RPS6KC1: variants seen among roughly 807,000 people sequenced by gnomAD.
RPS6KC1 encodes the protein ribosomal protein S6 kinase C1, also known as inactive ribosomal protein S6 kinase delta-1.
Under a neutral mutation model 103.8 loss-of-function variants are expected in RPS6KC1, and 54 were observed. That is an observed-to-expected ratio of 0.52 (90% confidence interval 0.42 to 0.65). The LOEUF (loss-of-function observed/expected upper bound fraction) is 0.65, where lower values mean the gene tolerates loss of function less well. RPS6KC1 is among the 30% of genes least tolerant of loss of function. The pLI is 0.00. For synonymous variants in RPS6KC1, 439 were observed against 438.7 expected, an observed-to-expected ratio of 1.00 and a Z score of -0.01; for missense variants, 1,151 against 1,253.8, an observed-to-expected ratio of 0.92 and a Z score of 1.24.
the RPS6KC1 span, among the ~76,000 whole-genome samples, chr1:213,574,301 C>A: frequency 4.6e-5 from 7 of 152,096 alleles, no homozygotes; most frequent in African/African-American, 7.2e-5. Flanking sequence ...ACTCTGATAT[C>A]AGTTGGAATC....
the RPS6KC1 span, among the ~76,000 whole-genome samples, chr1:213,426,589 A>G: frequency 2.0e-5 from 3 of 152,218 alleles, no homozygotes; most frequent in African/African-American, 7.2e-5. Context: ...ACTAATGTCT[A>G]ATGACTTAAT....
At chr1:213,295,654 C>T in the RPS6KC1 span, among the ~76,000 whole-genome samples, 1 of 152,156 alleles carries the variant, frequency 6.6e-6, no homozygotes, top group Non-Finnish European at 1.5e-5. Flanking sequence ...TTAACTAGAT[C>T]ATGCAAATCT....
chr1:213,666,883 C>A, the RPS6KC1 span, among the ~76,000 whole-genome samples: 1 of 152,218 alleles, frequency 6.6e-6, no homozygotes, highest in South Asian at 2.1e-4. Flanking sequence ...CGTATGTTGC[C>A]GGGAGAGGCA....
the RPS6KC1 span, among the ~76,000 whole-genome samples, chr1:213,497,124 G>A: frequency 1.3e-5 from 2 of 152,268 alleles, no homozygotes; most frequent in South Asian, 2.1e-4. Context: ...CAACTTTAAT[G>A]TTTCTTCTTT....
intron 3 of RPS6KC1, among the ~76,000 whole-genome samples, chr1:213,084,960 G>A (rs1225357366): frequency 6.6e-6 from 1 of 152,156 alleles, no homozygotes; most frequent in African/African-American, 2.4e-5. Context: ...ACCTGGTCAA[G>A]GTATTGTCAA....
the RPS6KC1 span, among the ~76,000 whole-genome samples, chr1:213,689,982 C>T: frequency 6.6e-6 from 1 of 152,164 alleles, no homozygotes; most frequent in Non-Finnish European, 1.5e-5. Flanking sequence ...TGCTCCAGCT[C>T]CACATTTCCA....
the RPS6KC1 span, among the ~76,000 whole-genome samples, chr1:213,291,753 A>C: frequency 6.6e-6 from 1 of 152,224 alleles, no homozygotes; most frequent in East Asian, 1.9e-4. Context: ...ATCCTCCCAC[A>C]CCATTCTGCT....
the RPS6KC1 span, among the ~76,000 whole-genome samples, chr1:213,493,776 A>G: frequency 1.3e-5 from 2 of 152,202 alleles, no homozygotes; most frequent in Non-Finnish European, 2.9e-5. Context: ...GGCACATTGT[A>G]TTTGAAAGAC....
chr1:213,710,047 GA>G, the RPS6KC1 span, among the ~76,000 whole-genome samples: 1 of 152,194 alleles, frequency 6.6e-6, no homozygotes, highest in Admixed American at 6.5e-5. Flanking sequence ...GCTTGGTCCA[GA>G]ACTGAGTTCA....
the RPS6KC1 span, among the ~76,000 whole-genome samples, chr1:213,320,256 T>A: frequency 6.6e-6 from 1 of 152,196 alleles, no homozygotes; most frequent in Non-Finnish European, 1.5e-5. Context: ...CCCAGCAAAT[T>A]AGGAGAGTGA....
chr1:213,383,550 T>A, the RPS6KC1 span, among the ~76,000 whole-genome samples: 1 of 152,304 alleles, frequency 6.6e-6, no homozygotes, highest in Admixed American at 6.5e-5. Flanking sequence ...TGGGAGGTAT[T>A]ATGGACTAAA....
At chr1:213,565,975 A>G in the RPS6KC1 span, among the ~76,000 whole-genome samples, 1 of 151,884 alleles carries the variant, frequency 6.6e-6, no homozygotes, top group Admixed American at 6.6e-5. Flanking sequence ...AAAAAAAAAA[A>G]AAGTGAAAAA....
At chr1:213,478,478 A>G in the RPS6KC1 span, among the ~76,000 whole-genome samples, 1 of 152,174 alleles carries the variant, frequency 6.6e-6, no homozygotes, top group Non-Finnish European at 1.5e-5. Flanking sequence ...TTGCATTCCC[A>G]TGAACAAATG....
chr1:213,602,253 C>CT, the RPS6KC1 span, among the ~76,000 whole-genome samples: 2 of 117,370 alleles, frequency 1.7e-5, no homozygotes, highest in East Asian at 2.5e-4. Context: ...TTCTCTCTCT[C>CT]TTTTTTTTTC....
the RPS6KC1 span, among the ~76,000 whole-genome samples, chr1:213,632,686 G>A: frequency 2.0e-5 from 3 of 152,260 alleles, no homozygotes; most frequent in Admixed American, 6.5e-5. Context: ...AAAGCTGGAT[G>A]GAGAATGACT....
intron 14 of RPS6KC1, among the ~76,000 whole-genome samples, chr1:213,270,594 AG>A (rs2095025106): frequency 1.2e-5 from 1 of 82,818 alleles, no homozygotes; most frequent in Admixed American, 1.8e-4. Context: ...TTGACAACAT[AG>A]TGAGACCCCG....
At chr1:213,279,648 C>T (rs778181831), downstream of RPS6KC1, among the ~76,000 whole-genome samples, 34 of 152,200 alleles carry the variant, frequency 2.2e-4, no homozygotes, top group African/African-American at 4.8e-4. Flanking sequence ...GGTGACTTCT[C>T]TCTTTGTACC....
At chr1:213,333,665 A>ATTTTTTTTTTT in the RPS6KC1 span, among the ~76,000 whole-genome samples, 1 of 151,836 alleles carries the variant, frequency 6.6e-6, no homozygotes, top group Non-Finnish European at 1.5e-5. Flanking sequence ...ATCTTATTTT[A>ATTTTTTTTTTT]TTTTATTTTT....
chr1:213,557,361 C>T, the RPS6KC1 span, among the ~76,000 whole-genome samples: 1 of 152,184 alleles, frequency 6.6e-6, no homozygotes, highest in Non-Finnish European at 1.5e-5. Flanking sequence ...TCCATGCTGG[C>T]TACAGGGCAG....
Sources: gnomAD v4.1 joint callset for allele counts (sites outside exome capture counted in the v4.1 genomes callset) on GRCh38, gnomAD v4.1.1 for gene constraint, MANE v1.5 for transcripts, NCBI Gene and HGNC (gene_info 2026-07-23, HGNC 2026-07-21) for gene names.